The following ATG7 variants were observed in gnomAD, a reference collection of about 807,000 sequenced individuals.
ATG7 encodes the protein autophagy related 7.
Under a neutral mutation model 82.4 loss-of-function variants are expected in ATG7, and 70 were observed. That is an observed-to-expected ratio of 0.85 (90% CI 0.70 to 1.04). ATG7 has a LOEUF of 1.04. Ranked by LOEUF, ATG7 falls within the 50% of genes least tolerant of loss-of-function variation. The pLI is 0.00. For synonymous variants in ATG7, 287 were observed against 313.0 expected (o/e 0.92, Z 0.88); for missense variants, 792 against 864.3 (o/e 0.92, Z 1.05).
At chr3:11,314,687 C>T (rs1949144146) in intron 8 of ATG7, among the ~76,000 whole-genome samples, 1 of 152,134 alleles carries the variant, frequency 6.6e-6, no homozygotes, top group Admixed American at 6.6e-5. Context: ...GTAATTCCAG[C>T]ACTTTGGAAC....
At chr3:11,470,353 C>T (rs986059020) in intron 20 of ATG7, among the ~76,000 whole-genome samples, 1 of 152,202 alleles carries the variant, frequency 6.6e-6, no homozygotes, top group African/African-American at 2.4e-5. Flanking sequence ...TGGTGGAAAC[C>T]TGGATGGCTT....
chr3:11,305,242 A>G (rs1947528341), intron 5 of ATG7, among the ~76,000 whole-genome samples: 1 of 152,238 alleles, frequency 6.6e-6, no homozygotes, highest in South Asian at 2.1e-4. Flanking sequence ...GTCATGAAAG[A>G]TGCTTCTCCT....
chr3:11,431,278 G>A (rs966416643), intron 20 of ATG7, among the ~76,000 whole-genome samples: 1 of 152,246 alleles, frequency 6.6e-6, no homozygotes, highest in Non-Finnish European at 1.5e-5. Flanking sequence ...GCATGTGCCT[G>A]TAATCCCAGC....
At chr3:11,440,410 C>T (rs1237057463) in intron 20 of ATG7, among the ~76,000 whole-genome samples, 12 of 143,226 alleles carry the variant, frequency 8.4e-5, no homozygotes, top group Non-Finnish European at 1.7e-4. Flanking sequence ...CTGCAAGCTC[C>T]GCCTCCCGGG....
At chr3:11,479,767 CGGTT>C (rs908381325) in intron 20 of ATG7, among the ~76,000 whole-genome samples, 7 of 152,146 alleles carry the variant, frequency 4.6e-5, no homozygotes, top group Non-Finnish European at 8.8e-5. Context: ...CATTGTCCCT[CGGTT>C]GGTTTTTAAT....
At chr3:11,363,742 C>T (rs1418939299) in intron 17 of ATG7, among the ~76,000 whole-genome samples, 1 of 152,212 alleles carries the variant, frequency 6.6e-6, no homozygotes, top group Non-Finnish European at 1.5e-5. Flanking sequence ...GTTTGCAATA[C>T]AGGCAGCAGA....
At chr3:11,483,401 A>G (rs941660503) in intron 20 of ATG7, among the ~76,000 whole-genome samples, 1 of 152,102 alleles carries the variant, frequency 6.6e-6, no homozygotes, top group Non-Finnish European at 1.5e-5. Context: ...CCCAACACGC[A>G]CAGATCTTGC....
chr3:11,430,458 C>G (rs1055994445), intron 20 of ATG7, among the ~76,000 whole-genome samples: 1 of 152,152 alleles, frequency 6.6e-6, no homozygotes, highest in Non-Finnish European at 1.5e-5. Context: ...AAGGTCTCCA[C>G]TTATTTATTT....
chr3:11,524,472 A>G (rs1038371155), intron 20 of ATG7, among the ~76,000 whole-genome samples: 5 of 152,224 alleles, frequency 3.3e-5, no homozygotes, highest in Non-Finnish European at 7.3e-5. Context: ...TTATGCTTTA[A>G]TAAATACCAG....
chr3:11,431,790 A>G (rs1213947382), intron 20 of ATG7, among the ~76,000 whole-genome samples: 2 of 152,194 alleles, frequency 1.3e-5, no homozygotes, highest in African/African-American at 4.8e-5. Context: ...GTCTCCCTAA[A>G]TATAGCCCCT....
At chr3:11,573,691 C>G in the ATG7 span, among the ~76,000 whole-genome samples, 1 of 152,224 alleles carries the variant, frequency 6.6e-6, no homozygotes, top group African/African-American at 2.4e-5. Flanking sequence ...TCTTCAGTTA[C>G]CAGCGCAGTT....
chr3:11,288,090 CCTT>C (rs1347870781), intron 3 of ATG7, among the ~76,000 whole-genome samples: 4 of 152,158 alleles, frequency 2.6e-5, no homozygotes, highest in African/African-American at 4.8e-5. Context: ...TACTATCTGG[CCTT>C]CTTCAGGAAA....
At chr3:11,362,182 A>G (rs2076327096) in intron 16 of ATG7, among the ~76,000 whole-genome samples, 1 of 152,196 alleles carries the variant, frequency 6.6e-6, no homozygotes, top group African/African-American at 2.4e-5. Flanking sequence ...AATATCTCTA[A>G]CAACCTCTTA....
At chr3:11,562,082 A>G (rs570108500), downstream of ATG7, among the ~76,000 whole-genome samples, 34 of 151,826 alleles carry the variant, frequency 2.2e-4, no homozygotes, top group South Asian at 6.3e-3. Context: ...ACTTTTAGTA[A>G]AAACAGGGTT....
chr3:11,367,881 G>T lies in ATG7; in HGVS notation c.1875+3147G>T, dbSNP rs540603766. ...AATGATTAAAAAAAATCATTTTGTT[G>T]ATGTGTGGAATAGAGATTATCACAC... On this transcript the variant is annotated intron_variant, in intron 18 of 20. Transcript: ENST00000693202. 1.3e-4 allele frequency among the ~76,000 whole-genome samples: 19 copies of T among 150,764 alleles called. No individual in the cohort carries two copies. The East Asian group carries it at 3.6e-3, about 28-fold the overall frequency.
intron 20 of ATG7, among the ~76,000 whole-genome samples, chr3:11,489,400 A>G (rs1287303620): frequency 6.6e-6 from 1 of 151,882 alleles, no homozygotes; most frequent in African/African-American, 2.4e-5. Context: ...CTAGTGGTCT[A>G]TCAATTTTAT....
At chr3:11,545,502 C>A (rs2071202567) in intron 20 of ATG7, among the ~76,000 whole-genome samples, 1 of 152,252 alleles carries the variant, frequency 6.6e-6, no homozygotes, top group African/African-American at 2.4e-5. Context: ...GCTCCTTCCT[C>A]TCTGCTCTTT....
chr3:11,568,471 G>T, the ATG7 span: 1 of 1,271,730 alleles, frequency 7.9e-7, no homozygotes, highest in Non-Finnish European at 1.1e-6. This position sits in a 1 kb window ranked among gnomAD's most constrained non-coding sequence, Gnocchi z 5.9. Flanking sequence ...GGGACTTCCA[G>T]GCCCACTAAC....
chr3:11,475,742 C>T (rs2088092058), intron 20 of ATG7, among the ~76,000 whole-genome samples: 1 of 152,058 alleles, frequency 6.6e-6, no homozygotes, highest in Non-Finnish European at 1.5e-5. Context: ...CCTATACCTG[C>T]TAGGTCAGTT....
Sources: gnomAD v4.1 joint callset for allele counts (sites outside exome capture counted in the v4.1 genomes callset) on GRCh38, gnomAD v4.1.1 for gene constraint, Gnocchi (gnomAD v3.1) non-coding constraint, MANE v1.5 for transcripts, NCBI Gene and HGNC (gene_info 2026-07-23, HGNC 2026-07-21) for gene names.